Variants in NRXN3 observed in about 807,000 individuals in gnomAD.
The protein encoded by NRXN3 is neurexin 3.
In NRXN3, 32 loss-of-function variants were observed where a neutral mutation model predicts 137.6. The observed-to-expected ratio is 0.23, with a 90% CI of 0.18 to 0.31. The LOEUF (loss-of-function observed/expected upper bound fraction) is 0.31. Ranked by LOEUF, NRXN3 falls within the 10% of genes least tolerant of loss-of-function variation. The pLI is 1.00. For missense variants in NRXN3, 1,574 were observed against 2,062.5 expected (o/e 0.76, Z 4.59); for synonymous variants, 798 against 784.5 (o/e 1.02, Z -0.29).
At chr14:78,812,053 A>G (rs1036040629) in intron 10 of NRXN3, among the ~76,000 whole-genome samples, 1 of 152,124 alleles carries the variant, frequency 6.6e-6, no homozygotes. Context: ...ATACCACTAC[A>G]TTTACCCATC....
Position 78,803,798 on chromosome 14 carries a change from G to A in NRXN3, c.2223G>A (p.Gly741=), listed in dbSNP as rs1490989794. The A allele has an allele frequency of 1.9e-6, 3 of 1,613,868 alleles. No homozygotes were observed. The highest frequency in any genetic ancestry group is 1.1e-5 in the South Asian group (1 of 91,064). ...ADTLRLELDG[G]RVKLMVNLDC... ...CCCTGCGTCTGGAGCTGGATGGGGG[G>A]CGTGTCAAGCTCATGGTTAACTTAG... Residue 741 remains glycine, a synonymous_variant, in exon 9 of 21, where the codon GGG becomes GGA. Transcript: ENST00000335750.
intron 15 of NRXN3, among the ~76,000 whole-genome samples, chr14:79,374,139 T>A (rs953670963): frequency 2.0e-5 from 3 of 152,206 alleles, no homozygotes; most frequent in African/African-American, 7.2e-5. Flanking sequence ...TTTTTTTGTT[T>A]GTATTATACT....
chr14:79,529,010 C>T (rs2097146177), intron 16 of NRXN3, among the ~76,000 whole-genome samples: 1 of 152,090 alleles, frequency 6.6e-6, no homozygotes. Context: ...ACTAGCACAG[C>T]GCTTACCAGA....
intron 4 of NRXN3, among the ~76,000 whole-genome samples, chr14:78,626,672 A>G (rs561227510): frequency 1.7e-4 from 26 of 152,320 alleles, no homozygotes; most frequent in Middle Eastern, 3.4e-3. Flanking sequence ...CCAAGTAGTG[A>G]TGACATAAAG....
At chr14:79,583,157 G>T (rs1409913418) in intron 16 of NRXN3, among the ~76,000 whole-genome samples, 1 of 152,148 alleles carries the variant, frequency 6.6e-6, no homozygotes, top group Non-Finnish European at 1.5e-5. Flanking sequence ...AAATTCCCAG[G>T]TGGCTAAAAA....
At chr14:78,173,708 G>GTTTTTTTTTTTTTTTTTTTT (rs1296589683) in intron 1 of NRXN3, among the ~76,000 whole-genome samples, 1 of 8,988 alleles carries the variant, frequency 1.1e-4, no homozygotes, top group Non-Finnish European at 2.4e-4. Flanking sequence ...CTTTTTCCTT[G>GTTTTTTTTTTTTTTTTTTTT]CTTTTTTTTT....
Position 78,898,585 on chromosome 14 carries a change from G to T in NRXN3, c.2276-58657G>T, listed in dbSNP as rs900589895. On this transcript the variant is annotated intron_variant, in intron 10 of 20. Coordinates refer to ENST00000335750, the MANE Select transcript of NRXN3 (RefSeq NM_001330195.2). ...TGTGTGTGTGTGTGTGTGTGTGTGT[G>T]TGTGTGTGTGTGTGTGTCTGATATA... Among the ~76,000 whole-genome samples, 3 of 150,756 alleles carry T rather than the reference G, an allele frequency of 2.0e-5. No homozygotes were observed. In the South Asian group the frequency reaches 6.4e-4, roughly 32 times the overall value.
At chr14:79,711,584 T>TTAGAGG in intron 19 of NRXN3, among the ~76,000 whole-genome samples, 1 of 152,110 alleles carries the variant, frequency 6.6e-6, no homozygotes, top group Non-Finnish European at 1.5e-5. Flanking sequence ...AGTGCTGGGA[T>TTAGAGG]TAGAGGTGTG....
At chr14:78,869,106 A>G (rs2099095004) in intron 10 of NRXN3, among the ~76,000 whole-genome samples, 1 of 152,192 alleles carries the variant, frequency 6.6e-6, no homozygotes, top group Non-Finnish European at 1.5e-5. Flanking sequence ...ATAGACAAAA[A>G]GAAAGATATC....
intron 19 of NRXN3, among the ~76,000 whole-genome samples, chr14:79,740,128 CTTGGAATCA>C (rs1158694626): frequency 1.3e-5 from 2 of 152,128 alleles, no homozygotes; most frequent in African/African-American, 4.8e-5. Flanking sequence ...GAGCTGAAAC[CTTGGAATCA>C]TCTTTCACTC....
At chr14:79,331,591 C>T (rs753486644) in intron 15 of NRXN3, among the ~76,000 whole-genome samples, 1 of 152,036 alleles carries the variant, frequency 6.6e-6, no homozygotes, top group Non-Finnish European at 1.5e-5. Flanking sequence ...TATGGGCAAC[C>T]CTGAATCTGG....
intron 1 of NRXN3, among the ~76,000 whole-genome samples, chr14:78,179,230 G>A (rs187826971): frequency 6.6e-6 from 1 of 152,124 alleles, no homozygotes; most frequent in African/African-American, 2.4e-5. Flanking sequence ...CTAGATACAG[G>A]CAGGGAGGAT....
intron 4 of NRXN3, among the ~76,000 whole-genome samples, chr14:78,458,042 G>T (rs915434932): frequency 4.6e-5 from 7 of 152,132 alleles, no homozygotes; most frequent in Admixed American, 2.6e-4. Context: ...AGAGAGAGAA[G>T]ACCTTAACTT....
rs75259808 is a variant in NRXN3, at chr14:79,531,273, T to C, written c.3444+63871T>C. On this transcript the variant is annotated intron_variant, in intron 16 of 20. Coordinates refer to ENST00000335750, the MANE Select transcript of NRXN3 (RefSeq NM_001330195.2). ...GTGATCTCTAAGAAGTCTAGATATT[T>C]GATCCACAGAAGCATTTTGTTCCAT... Among the ~76,000 whole-genome samples the C allele has an allele frequency of 4.8e-3, 728 of 152,334 alleles. 6 individuals carry two copies. The highest frequency in any genetic ancestry group is 0.017 in the African/African-American group (696 of 41,582).
intron 15 of NRXN3, among the ~76,000 whole-genome samples, chr14:79,116,621 T>A (rs73324745): frequency 6.6e-6 from 1 of 152,218 alleles, no homozygotes; most frequent in Non-Finnish European, 1.5e-5. Flanking sequence ...TTGTTTTGAT[T>A]ACTGCTGGAC....
chr14:79,366,253 A>G (rs769098572), intron 15 of NRXN3, among the ~76,000 whole-genome samples: 2 of 152,238 alleles, frequency 1.3e-5, no homozygotes, highest in Non-Finnish European at 2.9e-5. Flanking sequence ...AATGTGAAAT[A>G]TCACATCAAG....
intron 10 of NRXN3, among the ~76,000 whole-genome samples, chr14:78,947,392 G>A (rs2099367626): frequency 6.6e-6 from 1 of 152,108 alleles, no homozygotes; most frequent in South Asian, 2.1e-4. Context: ...TCTTTGTCTT[G>A]GGATACTTCT....
chr14:79,155,520 AT>A (rs1427052317), intron 15 of NRXN3, among the ~76,000 whole-genome samples: 2 of 151,898 alleles, frequency 1.3e-5, no homozygotes, highest in Non-Finnish European at 2.9e-5. Flanking sequence ...AAGTTGATTT[AT>A]TTTACTTAAA....
intron 6 of NRXN3, among the ~76,000 whole-genome samples, chr14:78,704,811 T>C (rs1388130970): frequency 6.6e-6 from 1 of 152,196 alleles, no homozygotes; most frequent in African/African-American, 2.4e-5. Context: ...GTGTATGATA[T>C]AAAACAGTGT....
Sources: allele counts gnomAD v4.1 joint callset (sites outside exome capture counted in the v4.1 genomes callset), GRCh38; gene constraint gnomAD v4.1.1; transcripts MANE v1.5; gene names NCBI Gene and HGNC (gene_info 2026-07-23, HGNC 2026-07-21).